Variants in KCNN4 observed in about 807,000 individuals in gnomAD.
The protein encoded by KCNN4 is potassium calcium-activated channel subfamily N member 4, also known as intermediate conductance calcium-activated potassium channel protein 4.
Under a neutral mutation model 45.2 loss-of-function variants are expected in KCNN4, and 31 were observed. The ratio of observed to expected loss-of-function variants is 0.69; its 90% confidence interval spans 0.52 to 0.92. The LOEUF is 0.92. Among genes scored for constraint, KCNN4 ranks in the 40% least tolerant of loss-of-function variants. KCNN4 has a pLI of 0.00. For missense variants in KCNN4, 463 were observed against 574.0 expected (o/e 0.81, Z 1.98); for synonymous variants, 231 against 254.6 (o/e 0.91, Z 0.88).
chr19:43,777,374 G>C (rs1395748531), intron 1 of KCNN4, among the ~76,000 whole-genome samples: 1 of 151,428 alleles, frequency 6.6e-6, no homozygotes, highest in Non-Finnish European at 1.5e-5. Flanking sequence ...TCTAGAGAGT[G>C]CCCCCTCCCC....
At position 43,780,910 on chromosome 19, in the gene KCNN4, A is replaced by G; in HGVS notation, c.-49T>C. The G allele has an allele frequency of 1.3e-6, 2 of 1,589,670 alleles. No individual in the cohort carries two copies. Among genetic ancestry groups the G allele is most frequent in the African/African-American group, 2.7e-5 (2 of 74,526 alleles). On this transcript the variant is annotated 5_prime_UTR_variant, in exon 1 of 9. Coordinates refer to ENST00000648319, the MANE Select transcript of KCNN4 (RefSeq NM_002250.3). ...GCCAGCTTCCTGCCCAGGGTCCCCC[A>G]CCTCGCAGCACGCACAGGGCAGCCA...
Position 43,780,925 on chromosome 19 carries a change from C to T in KCNN4, c.-64G>A. The T allele has an allele frequency of 6.5e-7, 1 of 1,549,012 alleles. No homozygotes were observed. The highest frequency in any genetic ancestry group is 8.8e-7 in the Non-Finnish European group (1 of 1,131,214). ...AGGGTCCCCCACCTCGCAGCACGCA[C>T]AGGGCAGCCACTGTGGCTTGCAGGT... is the stretch of plus-strand genomic sequence containing the variant. On this transcript the variant is annotated 5_prime_UTR_variant, in exon 1 of 9. The change creates a new upstream start codon in the 5' untranslated region. Coordinates refer to ENST00000648319, the MANE Select transcript of KCNN4 (RefSeq NM_002250.3).
chr19:43,769,410 A>G lies in KCNN4; in HGVS notation c.1049+32T>C. 6.4e-7 allele frequency: 1 copy of G among 1,557,120 alleles called. No individual in the cohort carries two copies. The highest frequency in any genetic ancestry group is 8.9e-7 in the Non-Finnish European group (1 of 1,129,520). On this transcript the variant is annotated intron_variant, in intron 6 of 8. Transcript: ENST00000648319. The surrounding 1 kb of genome is among the most constrained non-coding windows in gnomAD (Gnocchi z 4.4). ...AGAGGTGACTTGGACATGGGTGCAC[A>G]TGGACACGTGTGCATACAAAGCGGC...
At chr19:43,767,374 G>T in intron 8 of KCNN4, 166 bp downstream of exon 8, 1 of 801,496 alleles carries the variant, frequency 1.2e-6, no homozygotes, top group African/African-American at 1.7e-5. Context: ...TTCCTTCACT[G>T]CCAGTCCAGC....
chr19:43,777,186 T>A (rs772731715), intron 1 of KCNN4, among the ~76,000 whole-genome samples: 4 of 152,320 alleles, frequency 2.6e-5, no homozygotes, highest in Admixed American at 6.5e-5. Flanking sequence ...CAGATGCTGG[T>A]GTCTACCCTC....
intron 3 of KCNN4, among the ~76,000 whole-genome samples, chr19:43,773,774 A>G (rs746788455): frequency 6.6e-6 from 1 of 152,156 alleles, no homozygotes; most frequent in Non-Finnish European, 1.5e-5. Context: ...TAGGATCACA[A>G]AAAGCACCTA....
intron 1 of KCNN4, among the ~76,000 whole-genome samples, chr19:43,777,046 T>C (rs945875502): frequency 1.5e-4 from 23 of 152,128 alleles, no homozygotes; most frequent in South Asian, 2.1e-4. Context: ...ATCGCGCCAC[T>C]GCACTCCAGC....
At chr19:43,777,298 G>GGTGT (rs370942754) in intron 1 of KCNN4, among the ~76,000 whole-genome samples, 27 of 33,064 alleles carry the variant, frequency 8.2e-4, no homozygotes, top group Non-Finnish European at 1.2e-3. Context: ...TAGTTCTTCA[G>GGTGT]GTGTGTGTGT....
chr19:43,775,376 G>A (rs909032692), intron 2 of KCNN4, among the ~76,000 whole-genome samples: 1 of 152,154 alleles, frequency 6.6e-6, no homozygotes, highest in African/African-American at 2.4e-5. Flanking sequence ...ACTGGGCACC[G>A]TGGATACGCC....
At position 43,774,608 on chromosome 19, in the gene KCNN4, G is replaced by T. The variant is rs1374841896; in HGVS notation, c.267C>A (p.Thr89=). 1 of 1,501,104 alleles carries T rather than the reference G, an allele frequency of 6.7e-7. No individual in the cohort carries two copies. The highest frequency in any genetic ancestry group is 1.4e-5 in the African/African-American group (1 of 71,270). 93.0% of individuals were successfully genotyped at this position (1,501,104 alleles called of 1,614,324 possible). A position where few individuals can be genotyped will look rare whatever the true frequency, so the allele number is the denominator to read the frequency against. Residue 89 remains threonine (T), a synonymous_variant, in exon 3 of 9, where the codon ACC becomes ACA. Coordinates refer to ENST00000648319, the MANE Select transcript of KCNN4 (RefSeq NM_002250.3). This position sits in a 1 kb window ranked among gnomAD's most constrained non-coding sequence, Gnocchi z 5.6. ...FHAKEVQLFM[T]DNGLRDWRVA... is the part of the protein sequence containing the mutation. ...CGCGCCAGTCCCGCAGCCCGTTGTC[G>T]GTCATGAACAGCTGCCGGTAGGGGG...
In KCNN4 at chr19:43,774,570, C is replaced by T. The variant is rs200143698; in HGVS notation, c.305G>A (p.Gly102Glu). ...GLRDWRVALT[G>E]RQAAQIVLEL... The stretch of plus-strand genomic sequence containing the variant: ...CAGCACGATCTGCGCCGCCTGCCGC[C>T]CGGTCAGCGCCACGCGCCAGTCCCG... Residue 102 changes from glycine to glutamate, a missense_variant, in exon 3 of 9, where the codon GGG becomes GAG. Coordinates refer to ENST00000648319, the MANE Select transcript of KCNN4 (RefSeq NM_002250.3). The surrounding 1 kb of genome is among the most constrained non-coding windows in gnomAD (Gnocchi z 5.6). 1 of 1,542,418 alleles carries T rather than the reference C, an allele frequency of 6.5e-7. No individual in the cohort carries two copies. The highest frequency in any genetic ancestry group is 8.7e-7 in the Non-Finnish European group (1 of 1,154,676).
At position 43,768,906 on chromosome 19, in the gene KCNN4, T is replaced by C. The variant is rs114121652; in HGVS notation, c.1119+57A>G. 2.0e-4 allele frequency: 312 copies of C among 1,575,476 alleles called. No individual in the cohort carries two copies. In the African/African-American group the frequency reaches 3.7e-3, roughly 19 times the overall value. ...TCCCTGTTCTAGGGCCAGATTTCCC[T>C]CCCTGTGGCCCCAACCTCCCCCTTC... On this transcript the variant is annotated intron_variant, in intron 7 of 8. Transcript: ENST00000648319.
At chr19:43,771,355 C>T (rs1248304361) in intron 4 of KCNN4, among the ~76,000 whole-genome samples, 1 of 152,118 alleles carries the variant, frequency 6.6e-6, no homozygotes, top group Non-Finnish European at 1.5e-5. Context: ...GTAGTTGGAC[C>T]CATTTAATCA....
At chr19:43,778,138 G>A (rs952614207) in intron 1 of KCNN4, among the ~76,000 whole-genome samples, 1 of 152,028 alleles carries the variant, frequency 6.6e-6, no homozygotes, top group African/African-American at 2.4e-5. Context: ...CCCAAATCCC[G>A]GACCTGTCTG....
intron 2 of KCNN4, among the ~76,000 whole-genome samples, chr19:43,776,274 C>T (rs372158020): frequency 2.0e-5 from 3 of 148,218 alleles, no homozygotes; most frequent in Non-Finnish European, 4.4e-5. Context: ...GGCCTGGGGG[C>T]GGAAGCAGGG....
intron 2 of KCNN4, 69 bp downstream of exon 2, chr19:43,776,472 G>C (rs1969807762): frequency 1.9e-6 from 2 of 1,067,916 alleles, no homozygotes; most frequent in Admixed American, 1.7e-5. Flanking sequence ...GAGGAGGGTG[G>C]AAAGTGTGAG....
intron 4 of KCNN4, among the ~76,000 whole-genome samples, 197 bp from the exon 5 acceptor site, chr19:43,770,026 AT>A (rs1969600931): frequency 6.6e-6 from 1 of 152,024 alleles, no homozygotes; most frequent in African/African-American, 2.4e-5. Flanking sequence ...CCCAAATTTG[AT>A]GCATAGCATT....
At position 43,774,134 on chromosome 19, in the gene KCNN4, C is replaced by A. The variant is rs1199822549; in HGVS notation, c.683+58G>T. On this transcript the variant is annotated intron_variant, in intron 3 of 8. Coordinates refer to ENST00000648319, the MANE Select transcript of KCNN4 (RefSeq NM_002250.3). The surrounding 1 kb of genome is among the most constrained non-coding windows in gnomAD (Gnocchi z 5.6). ...CCTCAACCTGCACCGCGGCACAGGA[C>A]GGCCGCCGTGGCTGTCCGGGGTTCC... The A allele has an allele frequency of 5.9e-6, 9 of 1,512,908 alleles. No homozygotes were observed. Among genetic ancestry groups the A allele is most frequent in the Non-Finnish European group, 7.1e-6 (8 of 1,119,300 alleles). 93.7% of individuals were successfully genotyped at this position (1,512,908 alleles called of 1,614,324 possible). A position where few individuals can be genotyped will look rare whatever the true frequency, so the allele number is the denominator to read the frequency against.
intron 1 of KCNN4, 119 bp from the exon 2 acceptor site, chr19:43,776,755 C>G (rs1969818436): frequency 2.9e-6 from 2 of 685,292 alleles, no homozygotes; most frequent in Non-Finnish European, 5.3e-6. Flanking sequence ...TAGCCTCCTT[C>G]CCCTGCAAAT....
Sources: gnomAD v4.1 joint callset for allele counts (sites outside exome capture counted in the v4.1 genomes callset) on GRCh38, gnomAD v4.1.1 for gene constraint, Gnocchi (gnomAD v3.1) non-coding constraint, MANE v1.5 for transcripts, NCBI Gene and HGNC (gene_info 2026-07-23, HGNC 2026-07-21) for gene names.